SP140: variants seen among roughly 807,000 people sequenced by gnomAD.
SP140 encodes nuclear body protein SP140.
SP140 carries 81 observed loss-of-function variants against 125.0 expected under a neutral mutation model. The observed-to-expected ratio is 0.65, with a 90% confidence interval of 0.54 to 0.78. The LOEUF (loss-of-function observed/expected upper bound fraction) is 0.78, where lower values mean the gene tolerates loss of function less well. SP140 is among the 30% of genes least tolerant of loss of function. The probability of loss-of-function intolerance (pLI) is 0.00; values close to 1 mark genes in which losing one functional copy is unlikely to be tolerated. For missense variants in SP140, 858 were observed against 1,037.0 expected (o/e 0.83, Z 2.37); for synonymous variants, 312 against 354.0 (o/e 0.88, Z 1.33).
At chr2:230,251,311 G>A (rs1243308350) in intron 10 of SP140, among the ~76,000 whole-genome samples, 1 of 152,170 alleles carries the variant, frequency 6.6e-6, no homozygotes, top group Non-Finnish European at 1.5e-5. Context: ...TCACGTGGTA[G>A]TTGGATTATG....
At chr2:230,194,775 A>G in the SP140 span, among the ~76,000 whole-genome samples, 1 of 152,314 alleles carries the variant, frequency 6.6e-6, no homozygotes, top group African/African-American at 2.4e-5. Flanking sequence ...ACAGGAAACA[A>G]TTCTAATCTC....
At chr2:230,283,897 T>C (rs2055987541) in intron 15 of SP140, among the ~76,000 whole-genome samples, 2 of 152,204 alleles carry the variant, frequency 1.3e-5, no homozygotes, top group Admixed American at 1.3e-4. Context: ...ATAATGATTA[T>C]GTAATTACAT....
chr2:230,255,233 C>A (rs2149253043), intron 11 of SP140, among the ~76,000 whole-genome samples: 1 of 152,234 alleles, frequency 6.6e-6, no homozygotes, highest in Non-Finnish European at 1.5e-5. Context: ...GTCCAGGCAG[C>A]AAGTGAGCTG....
intron 12 of SP140, among the ~76,000 whole-genome samples, chr2:230,265,028 C>T (rs1559289819): frequency 6.6e-6 from 1 of 152,046 alleles, no homozygotes; most frequent in African/African-American, 2.4e-5. Flanking sequence ...CCTAGAATTC[C>T]TAAGGTTATA....
At chr2:230,285,163 A>C (rs2056197242) in intron 16 of SP140, among the ~76,000 whole-genome samples, 1 of 152,166 alleles carries the variant, frequency 6.6e-6, no homozygotes, top group Non-Finnish European at 1.5e-5. Context: ...TTATTTTCTG[A>C]ATTTCCTGTA....
At chr2:230,222,046 G>A (rs898337832), upstream of SP140, among the ~76,000 whole-genome samples, 18 of 152,182 alleles carry the variant, frequency 1.2e-4, no homozygotes, top group Non-Finnish European at 2.9e-5. Context: ...TTGCCAACAT[G>A]GCAAAATCCC....
In SP140 at chr2:230,249,324, C is replaced by T. The variant is rs1287692906; in HGVS notation, c.976+356C>T. Among the ~76,000 whole-genome samples, 3 of 152,064 alleles carry T rather than the reference C, an allele frequency of 2.0e-5. No homozygotes were observed. In the East Asian group the frequency reaches 5.8e-4, roughly 29 times the overall value. On this transcript the variant is annotated intron_variant, in intron 9 of 26. Transcript: ENST00000392045. ...CTGACGCAGGGGAGAATGTTTTCAG[C>T]CTACTTCCAGAAGGATCTGGAGCAC...
chr2:230,220,063 T>G, intron 3 of SP140: 1 of 985,510 alleles, frequency 1.0e-6, no homozygotes, highest in South Asian at 4.7e-5. Flanking sequence ...AGCCGGAAGC[T>G]GAAGGCAGGT....
chr2:230,213,131 C>CAAT, intron 1 of SP140: 2 of 1,097,970 alleles, frequency 1.8e-6, no homozygotes, highest in Non-Finnish European at 1.4e-6. Context: ...GGGCATGGAG[C>CAAT]TATTCATTGT....
intron 15 of SP140, among the ~76,000 whole-genome samples, chr2:230,278,115 C>G (rs939153510): frequency 1.3e-5 from 2 of 152,102 alleles, no homozygotes; most frequent in African/African-American, 4.8e-5. Context: ...TACAAGAGTT[C>G]CTTTTCCCCA....
chr2:230,197,637 G>T, the SP140 span, among the ~76,000 whole-genome samples: 1 of 151,998 alleles, frequency 6.6e-6, no homozygotes, highest in East Asian at 1.9e-4. Flanking sequence ...ATCCTGAATG[G>T]TATTGCTTAG....
chr2:230,290,828 G>C (rs532651038), intron 19 of SP140, among the ~76,000 whole-genome samples: 2 of 152,176 alleles, frequency 1.3e-5, no homozygotes, highest in Non-Finnish European at 2.9e-5. Context: ...AAAATGTCAC[G>C]TATTTTACTT....
chr2:230,225,491 G>A, upstream of SP140: 1 of 358,620 alleles, frequency 2.8e-6, no homozygotes, highest in Non-Finnish European at 5.4e-6. Flanking sequence ...GCAAGGGGTG[G>A]GGACAAATAC....
chr2:230,189,968 G>A, the SP140 span, among the ~76,000 whole-genome samples: 1 of 152,090 alleles, frequency 6.6e-6, no homozygotes, highest in Admixed American at 6.6e-5. Flanking sequence ...CAGCATTTGG[G>A]TTGGTTCCAC....
chr2:230,258,140 C>T (rs960335277), intron 12 of SP140, among the ~76,000 whole-genome samples: 10 of 152,082 alleles, frequency 6.6e-5, no homozygotes, highest in African/African-American at 2.4e-4. Context: ...AGAAGTGTAG[C>T]AACTTTCAAT....
intron 15 of SP140, among the ~76,000 whole-genome samples, chr2:230,279,588 A>G (rs562119253): frequency 9.7e-4 from 147 of 152,186 alleles, no homozygotes; most frequent in Non-Finnish European, 9.6e-4. Context: ...CCACGCATCC[A>G]CTTTTCTTAT....
Position 230,212,937 on chromosome 2 carries a change from G to A in SP140, c.-322-717G>A, listed in dbSNP as rs768753285. ...GGGTTGTGGTGGGGGCAGCGCCAGTGGGGTATGGAGGGAGCTTCCTTCTGC... is the reference window on the plus strand; with the variant it reads ...GGGTTGTGGTGGGGGCAGCGCCAGTAGGGTATGGAGGGAGCTTCCTTCTGC... On this transcript the variant is annotated intron_variant, in intron 1 of 4. Coordinates refer to the SP140 transcript ENST00000456542. The A allele has an allele frequency of 3.7e-6, 6 of 1,613,922 alleles. No individual in the cohort carries two copies. Among genetic ancestry groups the A allele is most frequent in the South Asian group, 1.1e-5 (1 of 91,084 alleles).
downstream of SP140, among the ~76,000 whole-genome samples, chr2:230,313,661 CT>C (rs555823207): frequency 7.5e-4 from 114 of 152,354 alleles, no homozygotes; most frequent in Middle Eastern, 6.8e-3. Context: ...GAATGTGCTT[CT>C]GGGGAATGCA....
intron 15 of SP140, among the ~76,000 whole-genome samples, chr2:230,278,529 C>T (rs2055051750): frequency 6.6e-6 from 1 of 151,876 alleles, no homozygotes. Flanking sequence ...TTTATTTTTG[C>T]TTTTGTTCCT....
Sources: allele counts gnomAD v4.1 joint callset (sites outside exome capture counted in the v4.1 genomes callset), GRCh38; gene constraint gnomAD v4.1.1; transcripts MANE v1.5; gene names NCBI Gene and HGNC (gene_info 2026-07-23, HGNC 2026-07-21).